Variants in REV3L observed in about 807,000 individuals in gnomAD.
REV3L encodes REV3 like, DNA directed polymerase zeta catalytic subunit, also known as DNA polymerase zeta catalytic subunit.
Under a neutral mutation model 299.4 loss-of-function variants are expected in REV3L, and 69 were observed. The ratio of observed to expected loss-of-function variants is 0.23; its 90% CI spans 0.19 to 0.28. The LOEUF is 0.28. REV3L is among the 10% of genes least tolerant of loss of function. The pLI, the probability that REV3L is intolerant of heterozygous loss-of-function variation, is 1.00. For missense variants in REV3L, 3,128 were observed against 3,693.8 expected (o/e 0.85, Z 3.97); for synonymous variants, 1,238 against 1,271.4 (o/e 0.97, Z 0.56).
intron 21 of REV3L, among the ~76,000 whole-genome samples, chr6:111,340,630 T>C (rs1475879691): frequency 1.3e-5 from 2 of 152,056 alleles, no homozygotes; most frequent in African/African-American, 2.4e-5. Flanking sequence ...AGAAAGCAAA[T>C]GGAAATCAAA....
chr6:111,417,161 T>A (rs1354448335), intron 1 of REV3L, among the ~76,000 whole-genome samples: 2 of 151,956 alleles, frequency 1.3e-5, no homozygotes, highest in Non-Finnish European at 2.9e-5. Flanking sequence ...AACCAATATA[T>A]CAGTCAAGGT....
intron 4 of REV3L, among the ~76,000 whole-genome samples, chr6:111,400,075 A>G (rs1293371713): frequency 6.6e-6 from 1 of 152,190 alleles, no homozygotes; most frequent in Admixed American, 6.5e-5. Context: ...AGATTCATCC[A>G]TGTTATATGA....
chr6:111,385,816 C>T (rs1308388324), intron 9 of REV3L, among the ~76,000 whole-genome samples: 1 of 152,014 alleles, frequency 6.6e-6, no homozygotes, highest in African/African-American at 2.4e-5. Flanking sequence ...AAATGTAATT[C>T]ACAAACAGAG....
chr6:111,435,968 CAAAT>C (rs1787503118), intron 1 of REV3L, among the ~76,000 whole-genome samples: 1 of 152,098 alleles, frequency 6.6e-6, no homozygotes, highest in Admixed American at 6.5e-5. Flanking sequence ...AACAACAAAA[CAAAT>C]AATCTGATTT....
At chr6:111,317,382 G>C (rs961875566) in intron 26 of REV3L, among the ~76,000 whole-genome samples, 6 of 152,160 alleles carry the variant, frequency 3.9e-5, no homozygotes, top group Non-Finnish European at 8.8e-5. Flanking sequence ...GAATAAAAAT[G>C]CCTTAGTTAA....
In REV3L at chr6:111,367,711, T is replaced by C. The variant is rs1211624804; in HGVS notation, c.6077A>G (p.Lys2026Arg). The change falls in exon 14 of 32, where the codon AAG becomes AGG. Residue 2026 changes from lysine to arginine, a missense_variant. Around this residue, in one of 9 missense-constraint regions of REV3L, gnomAD observed 2,409 missense variants for 2,611.8 expected, o/e 0.92. Coordinates refer to ENST00000368802, the MANE Select transcript of REV3L (RefSeq NM_001372078.1). ...YERSKKLPKT[K>R]PTGVVKSAEN... ...AGCAGATTTTACAACTCCAGTTGGC[T>C]TGGTTTTAGGCAGTTTCTTGGAACG... The C allele has an allele frequency of 1.9e-6, 3 of 1,614,232 alleles. No individual in the cohort carries two copies. The highest frequency in any genetic ancestry group is 2.5e-6 in the Non-Finnish European group (3 of 1,180,040).
chr6:111,399,625 A>G (rs1168455879), intron 4 of REV3L, among the ~76,000 whole-genome samples: 1 of 152,128 alleles, frequency 6.6e-6, no homozygotes, highest in African/African-American at 2.4e-5. Flanking sequence ...GATAACCTGT[A>G]GGACAACTCC....
At chr6:111,472,319 T>A (rs930352669) in intron 1 of REV3L, among the ~76,000 whole-genome samples, 3 of 152,110 alleles carry the variant, frequency 2.0e-5, no homozygotes, top group African/African-American at 7.2e-5. Context: ...TAAATATATA[T>A]GCAAAATAAT....
At chr6:111,311,384 T>C (rs564419965) in intron 28 of REV3L, 125 bp from the exon 29 acceptor site, 60 of 556,796 alleles carry the variant, frequency 1.1e-4, no homozygotes, top group Non-Finnish European at 9.0e-6. Flanking sequence ...ATCTGTTACT[T>C]ACAATGATGG....
At chr6:111,415,795 C>T (rs1234450115) in intron 2 of REV3L, among the ~76,000 whole-genome samples, 3 of 152,086 alleles carry the variant, frequency 2.0e-5, no homozygotes, top group African/African-American at 4.8e-5. Flanking sequence ...TTCCTTACCC[C>T]ACACTACTAT....
chr6:111,318,391 C>T (rs1049475016), intron 26 of REV3L, among the ~76,000 whole-genome samples: 1 of 152,104 alleles, frequency 6.6e-6, no homozygotes, highest in African/African-American at 2.4e-5. Context: ...CTGAACCTCC[C>T]AAAGTGCTAG....
Position 111,309,876 on chromosome 6 carries a change from T to C in REV3L, c.9019A>G (p.Ser3007Gly), listed in dbSNP as rs1157453767. 6.2e-6 allele frequency: 10 copies of C among 1,613,936 alleles called. No homozygotes were observed. The highest frequency in any genetic ancestry group is 1.3e-5 in the African/African-American group (1 of 74,934). ...ACCCTTGGTAATTCATGATACCAGCTGAAGACATCAATACCAATAAGTGAG... is the reference window on the plus strand; with the variant it reads ...ACCCTTGGTAATTCATGATACCAGCCGAAGACATCAATACCAATAAGTGAG... The part of the protein sequence containing the change: ...IFSLIGIDVF[S>G]WYHELPRIHK... Residue 3007 changes from serine to glycine, a missense_variant, in exon 30 of 32, where the codon AGC becomes GGC. Ser to Gly is a moderately conservative substitution (Grantham distance 56). Transcript: ENST00000368802.
At chr6:111,409,486 A>C (rs1186105233) in intron 3 of REV3L, among the ~76,000 whole-genome samples, 1 of 152,186 alleles carries the variant, frequency 6.6e-6, no homozygotes, top group South Asian at 2.1e-4. Flanking sequence ...GTGCAAAAGG[A>C]AAATCAGTAT....
intron 1 of REV3L, among the ~76,000 whole-genome samples, chr6:111,466,198 G>A (rs1368808628): frequency 6.6e-6 from 1 of 151,866 alleles, no homozygotes; most frequent in African/African-American, 2.4e-5. Flanking sequence ...AGAAGTATTG[G>A]GAAAAAAACC....
chr6:111,379,818 T>C (rs529256248), intron 11 of REV3L, among the ~76,000 whole-genome samples, 164 bp downstream of exon 11: 12 of 152,200 alleles, frequency 7.9e-5, no homozygotes, highest in Non-Finnish European at 1.5e-4. Context: ...GCTTGGAATA[T>C]GGAGTATACG....
At chr6:111,320,395 A>G (rs564706325) in intron 26 of REV3L, among the ~76,000 whole-genome samples, 89 of 152,194 alleles carry the variant, frequency 5.8e-4, no homozygotes, top group African/African-American at 2.0e-3. Flanking sequence ...ACCAGGCATT[A>G]CCTATTATCC....
At chr6:111,365,138 AAAT>A (rs1779068129) in intron 15 of REV3L, 124 bp downstream of exon 15, 1 of 584,068 alleles carries the variant, frequency 1.7e-6, no homozygotes, top group Non-Finnish European at 2.9e-6. Context: ...AAAGATATGC[AAAT>A]AATGATGCAA....
At chr6:111,422,742 G>C (rs1224951176) in intron 1 of REV3L, among the ~76,000 whole-genome samples, 5 of 143,766 alleles carry the variant, frequency 3.5e-5, no homozygotes, top group Non-Finnish European at 7.6e-5. Context: ...ACAAAAGGGA[G>C]GAAGAAAGAA....
chr6:111,351,055 G>T (rs921109604), intron 19 of REV3L, among the ~76,000 whole-genome samples: 18 of 152,068 alleles, frequency 1.2e-4, no homozygotes, highest in Non-Finnish European at 1.5e-5. Flanking sequence ...GTTTTAAAAA[G>T]TGCATTATAA....
Sources: gnomAD v4.1 joint callset for allele counts (sites outside exome capture counted in the v4.1 genomes callset) on GRCh38, gnomAD v4.1.1 for gene constraint, gnomAD v4.1.1 regional missense constraint, MANE v1.5 for transcripts, NCBI Gene and HGNC (gene_info 2026-07-23, HGNC 2026-07-21) for gene names.